The following ZNRF3 variants were observed in gnomAD, a reference collection of about 807,000 sequenced individuals.
The protein encoded by ZNRF3 is E3 ubiquitin-protein ligase ZNRF3.
In ZNRF3, 23 loss-of-function variants were observed where a neutral mutation model predicts 72.5. The observed-to-expected ratio is 0.32, with a 90% CI of 0.23 to 0.45. The LOEUF (loss-of-function observed/expected upper bound fraction) is 0.45. ZNRF3 is among the 20% of genes least tolerant of loss of function. The pLI, the probability that ZNRF3 is intolerant of heterozygous loss-of-function variation, is 1.00. For synonymous variants in ZNRF3, 610 were observed against 545.3 expected (o/e 1.12, Z -1.65); for missense variants, 1,169 against 1,272.1 (o/e 0.92, Z 1.23).
At chr22:28,963,631 G>A (rs953188919) in intron 1 of ZNRF3, among the ~76,000 whole-genome samples, 22 of 152,180 alleles carry the variant, frequency 1.4e-4, no homozygotes, top group Non-Finnish European at 2.6e-4. Context: ...GGGGGTTTTG[G>A]GAGGATTAAT....
intron 1 of ZNRF3, among the ~76,000 whole-genome samples, chr22:28,907,148 AGT>A (rs1569241438): frequency 8.2e-5 from 11 of 134,384 alleles, no homozygotes; most frequent in Admixed American, 2.2e-4. Flanking sequence ...ACGCCCGTCC[AGT>A]TTTTTTTTTT....
rs554491405 is a variant in ZNRF3 at position 28,986,658 on chromosome 22, G to A, written c.301-418G>A. 1.6e-5 allele frequency: 16 copies of A among 985,256 alleles called. No homozygotes were observed. The South Asian group carries it at 6.1e-4, about 38-fold the overall frequency. 61.0% of individuals were successfully genotyped at this position (985,256 alleles called of 1,614,324 possible). A position where few individuals can be genotyped will look rare whatever the true frequency, so the allele number is the denominator to read the frequency against. On this transcript the variant is annotated intron_variant, in intron 1 of 8. Coordinates refer to ENST00000544604, the MANE Select transcript of ZNRF3 (RefSeq NM_001206998.2). ...CTCTTGCGTAAGTTGAAGTAGACAT[G>A]TTGTTGAAGTCTAGAAGCCAAACAA...
rs755359471 is a variant in ZNRF3, at chr22:29,042,506, A to G, written c.438A>G (p.Ala146=). Residue 146 remains alanine (A), a synonymous_variant, in exon 3 of 9, where the codon GCA becomes GCG. Transcript: ENST00000544604. ...TTTAACTCTGGCAGGCCAAGCGAGC[A>G]GTACAGCGGGGAGCTACTGCAGTCA... ...CLTVLGKAKR[A]VQRGATAVIF... The G allele has an allele frequency of 2.5e-6, 4 of 1,613,838 alleles. No individual in the cohort carries two copies. Among genetic ancestry groups the G allele is most frequent in the Non-Finnish European group, 3.4e-6 (4 of 1,180,000 alleles).
chr22:28,927,706 A>G (rs2034629798), intron 1 of ZNRF3, among the ~76,000 whole-genome samples: 2 of 152,244 alleles, frequency 1.3e-5, no homozygotes, highest in Non-Finnish European at 2.9e-5. Flanking sequence ...AACAGACTAG[A>G]TTCACAGAAT....
At chr22:28,919,667 T>TC (rs2034474905) in intron 1 of ZNRF3, among the ~76,000 whole-genome samples, 1 of 147,522 alleles carries the variant, frequency 6.8e-6, no homozygotes, top group Non-Finnish European at 1.5e-5. Flanking sequence ...CCACCATGCC[T>TC]GGCTAATTTT....
intron 2 of ZNRF3, among the ~76,000 whole-genome samples, chr22:29,041,352 C>A (rs546285698): frequency 2.5e-4 from 38 of 152,098 alleles, no homozygotes; most frequent in Admixed American, 1.5e-3. Context: ...GCTATGTTAC[C>A]TAGACTGGTC....
At chr22:29,027,093 A>G (rs568433617) in intron 2 of ZNRF3, 1 of 152,280 alleles carries the variant, frequency 6.6e-6, no homozygotes, top group South Asian at 2.1e-4. Context: ...TTACCTCCTT[A>G]GCATCTTGGT....
At chr22:28,912,809 C>T (rs132543) in intron 1 of ZNRF3, among the ~76,000 whole-genome samples, 91,980 of 151,436 alleles carry the variant, frequency 0.61, 29,090 homozygotes, top group Non-Finnish European at 0.7. Context: ...GAATTACAGG[C>T]GCCCACCACC....
intron 1 of ZNRF3, among the ~76,000 whole-genome samples, chr22:28,929,105 C>T (rs1477866117): frequency 1.3e-5 from 2 of 152,182 alleles, no homozygotes; most frequent in Non-Finnish European, 2.9e-5. Context: ...TGCATAAGCA[C>T]AAATTGTGGT....
rs2037032109 is a variant in ZNRF3, at chr22:29,044,782, A to G, written c.636A>G (p.Gln212=). The part of the protein sequence containing the change: ...RARIQHRPPR[Q]PTEYFDMGIF... The stretch of plus-strand genomic sequence containing the variant: ...ACTGTGTCTGTGTTCCGTTCCAGCA[A>G]CCCACTGAATACTTTGACATGGGGA... The change falls in exon 5 of 9, where the codon CAA becomes CAG. Residue 212 remains glutamine, a splice_region_variant and synonymous_variant. Coordinates refer to ENST00000544604, the MANE Select transcript of ZNRF3 (RefSeq NM_001206998.2). 1 of 1,612,202 alleles carries G rather than the reference A, an allele frequency of 6.2e-7. No homozygotes were observed. Among genetic ancestry groups the G allele is most frequent in the Non-Finnish European group, 8.5e-7 (1 of 1,178,368 alleles).
intron 2 of ZNRF3, chr22:29,026,856 G>A (rs1053590088): frequency 6.6e-6 from 1 of 152,318 alleles, no homozygotes; most frequent in African/African-American, 2.4e-5. Flanking sequence ...TGCTTTGGGG[G>A]TATCTTTCCC....
chr22:29,029,245 A>C (rs2036701889), intron 2 of ZNRF3, among the ~76,000 whole-genome samples: 1 of 152,244 alleles, frequency 6.6e-6, no homozygotes, highest in African/African-American at 2.4e-5. Flanking sequence ...TAGAAGAGTA[A>C]GATCTATTTT....
rs2035703170 is a variant in ZNRF3 at position 28,977,902 on chromosome 22, G to A, written c.301-9174G>A. On this transcript the variant is annotated intron_variant, in intron 1 of 8. Coordinates refer to ENST00000544604, the MANE Select transcript of ZNRF3 (RefSeq NM_001206998.2). ...AAAGCTTCTTAAAGAGCTGGTCTTG[G>A]TTTCAAAGTTTGGCTTGATGTACCA... Among the ~76,000 whole-genome samples, 3 of 152,176 alleles carry A rather than the reference G, an allele frequency of 2.0e-5. No individual in the cohort carries two copies. In the South Asian group the frequency reaches 6.2e-4, roughly 32 times the overall value.
intron 1 of ZNRF3, among the ~76,000 whole-genome samples, chr22:28,909,937 A>C (rs1238233792): frequency 6.6e-6 from 1 of 151,272 alleles, no homozygotes; most frequent in Admixed American, 6.6e-5. Context: ...CAGGGGTCTT[A>C]CTATGTTTCC....
At chr22:28,986,735 A>C in intron 1 of ZNRF3, 1 of 795,234 alleles carries the variant, frequency 1.3e-6, no homozygotes, top group Non-Finnish European at 1.5e-6. Flanking sequence ...TTAGTGTTAA[A>C]TTTATGGTAT....
At chr22:29,005,032 T>G (rs1053519463) in intron 2 of ZNRF3, among the ~76,000 whole-genome samples, 1 of 152,206 alleles carries the variant, frequency 6.6e-6, no homozygotes, top group African/African-American at 2.4e-5. Context: ...TTTTCAGACC[T>G]TTGTGTGTGT....
Position 29,042,368 on chromosome 22 carries a change from A to G in ZNRF3, c.427-127A>G, listed in dbSNP as rs555423849. 36 of 656,788 alleles carry G rather than the reference A, an allele frequency of 5.5e-5. 1 individual carries two copies. Among genetic ancestry groups the G allele is most frequent in the South Asian group, 4.5e-4 (22 of 49,140 alleles). The allele number at this position is 656,788 out of a possible 1,614,324, so 40.7% of individuals were successfully genotyped here. On this transcript the variant is annotated intron_variant, in intron 2 of 8. Coordinates refer to ENST00000544604, the MANE Select transcript of ZNRF3 (RefSeq NM_001206998.2). ...TTGAGGATTAGGAAAGTGAAGTAAC[A>G]TCCCTGAAGTCACCTAAGTTGGTAA... is the stretch of plus-strand genomic sequence containing the variant.
Position 29,014,811 on chromosome 22 carries a change from G to A in ZNRF3, c.426+27610G>A, listed in dbSNP as rs77605275. 2.9e-3 allele frequency among the ~76,000 whole-genome samples: 443 copies of A among 152,358 alleles called. 4 individuals are homozygous for A. Among genetic ancestry groups the A allele is most frequent in the African/African-American group, 9.8e-3 (408 of 41,584 alleles). On this transcript the variant is annotated intron_variant, in intron 2 of 8. Coordinates refer to ENST00000544604, the MANE Select transcript of ZNRF3 (RefSeq NM_001206998.2). ...ACAACAAACAGGGCAACTGCAGATT[G>A]TGATGCAGCTGCAAGGCCAACAAAC...
chr22:28,955,051 T>TG (rs376446211), intron 1 of ZNRF3, among the ~76,000 whole-genome samples: 2 of 150,398 alleles, frequency 1.3e-5, no homozygotes, highest in African/African-American at 2.4e-5. Flanking sequence ...TTTTTGTTTT[T>TG]TTTTTTTGAG....
Sources: allele counts gnomAD v4.1 joint callset (sites outside exome capture counted in the v4.1 genomes callset), GRCh38; gene constraint gnomAD v4.1.1; transcripts MANE v1.5; gene names NCBI Gene and HGNC (gene_info 2026-07-23, HGNC 2026-07-21).